Variants in DNAJC18 observed in about 807,000 individuals in gnomAD.
DNAJC18 encodes the protein DnaJ heat shock protein family (Hsp40) member C18.
A neutral mutation model predicts 48.6 loss-of-function variants in DNAJC18; 40 were observed. That is an observed-to-expected ratio of 0.82 (90% CI 0.64 to 1.07). DNAJC18 has a LOEUF of 1.07. DNAJC18 is among the 50% of genes least tolerant of loss of function. The probability of loss-of-function intolerance (pLI) is 0.00; values close to 1 mark genes in which losing one functional copy is unlikely to be tolerated. For missense variants in DNAJC18, 340 were observed against 427.7 expected, an observed-to-expected ratio of 0.79 and a Z score of 1.81; for synonymous variants, 135 against 152.2, an observed-to-expected ratio of 0.89 and a Z score of 0.83.
Position 139,421,139 on chromosome 5 carries a change from C to A in DNAJC18, c.780-914G>T, listed in dbSNP as rs542201475. Among the ~76,000 whole-genome samples the A allele has an allele frequency of 2.7e-4, 41 of 152,248 alleles. No individual in the cohort carries two copies. In the South Asian group the frequency reaches 6.6e-3, roughly 25 times the overall value. The stretch of plus-strand genomic sequence containing the variant: ...AAGCTGGGAAACAGAGGGAATCAGG[C>A]CAGTGTGGCCTGATGGCAAAAACCT... On this transcript the variant is annotated intron_variant, in intron 6 of 7. Coordinates refer to ENST00000302060, the MANE Select transcript of DNAJC18 (RefSeq NM_152686.4).
At chr5:139,437,292 T>C (rs1750684887) in intron 2 of DNAJC18, 80 bp downstream of exon 2, 2 of 1,462,664 alleles carry the variant, frequency 1.4e-6, no homozygotes, top group East Asian at 4.8e-5. Flanking sequence ...TTATCATCAG[T>C]CAATACTTAC....
At chr5:139,422,662 CA>C in intron 6 of DNAJC18, 45 bp downstream of exon 6, 2 of 1,397,098 alleles carry the variant, frequency 1.4e-6, no homozygotes, top group Non-Finnish European at 2.0e-6. Context: ...TCAAGTCTTT[CA>C]CCCCCAGACT....
intron 2 of DNAJC18, among the ~76,000 whole-genome samples, chr5:139,432,091 C>A (rs147420424): frequency 6.6e-6 from 1 of 151,772 alleles, no homozygotes; most frequent in Admixed American, 6.6e-5. Context: ...GAACTTTGTA[C>A]GTTCCAGATA....
At chr5:139,414,570 A>G (rs1231000429) in intron 7 of DNAJC18, among the ~76,000 whole-genome samples, 1 of 152,272 alleles carries the variant, frequency 6.6e-6, no homozygotes, top group African/African-American at 2.4e-5. Flanking sequence ...GCGCATGTGC[A>G]GTGAGACCAC....
chr5:139,420,407 G>T, intron 6 of DNAJC18, 182 bp from the exon 7 acceptor site: 1 of 589,544 alleles, frequency 1.7e-6, no homozygotes. Flanking sequence ...CATCATAATT[G>T]TATTATGTAA....
intron 2 of DNAJC18, among the ~76,000 whole-genome samples, chr5:139,430,807 G>A (rs1194495542): frequency 4.6e-5 from 7 of 152,092 alleles, no homozygotes; most frequent in Admixed American, 4.6e-4. Flanking sequence ...TTGACCTCAA[G>A]TGATCCACCT....
Position 139,433,157 on chromosome 5 carries a change from T to G in DNAJC18, c.227+4215A>C, listed in dbSNP as rs551334166. Among the ~76,000 whole-genome samples, 3 of 152,350 alleles carry G rather than the reference T, an allele frequency of 2.0e-5. No homozygotes were observed. In the East Asian group the frequency reaches 5.8e-4, roughly 29 times the overall value. On this transcript the variant is annotated intron_variant, in intron 2 of 7. Transcript: ENST00000302060. ...CCATATAAAAGCTTCATTTTCAATA[T>G]GAGATGAAAAGGTATTTTGCAAAAA...
rs187827719 is a variant in DNAJC18 at position 139,432,571 on chromosome 5, A to G, written c.228-3888T>C. Among the ~76,000 whole-genome samples, 550 of 152,248 alleles carry G rather than the reference A, an allele frequency of 3.6e-3. 2 individuals carry two copies. The highest frequency in any genetic ancestry group is 5.4e-3 in the Non-Finnish European group (365 of 68,010). ...AGCCTCCAACTCCTGGGCTCAAGTA[A>G]TTCTCCTGCCTCAGCCTCCCAAGTA... On this transcript the variant is annotated intron_variant, in intron 2 of 7. Transcript: ENST00000302060.
rs1759031818 is a variant in DNAJC18, at chr5:139,413,927, C to T, written c.*221G>A. Reference sequence around the variant, plus strand: ...ATCCAATGCCTTGCCATTAATTTAACTTAGATGAACTACTCCTGGTCCCTG... The same window carrying T: ...ATCCAATGCCTTGCCATTAATTTAATTTAGATGAACTACTCCTGGTCCCTG... On this transcript the variant is annotated 3_prime_UTR_variant, in exon 8 of 8. Coordinates refer to ENST00000302060, the MANE Select transcript of DNAJC18 (RefSeq NM_152686.4). 1.8e-6 allele frequency: 1 copy of T among 552,060 alleles called. No individual in the cohort carries two copies. 34.2% of individuals were successfully genotyped at this position (552,060 alleles called of 1,614,324 possible). A position where few individuals can be genotyped will look rare whatever the true frequency, so the allele number is the denominator to read the frequency against.
At position 139,414,137 on chromosome 5, in the gene DNAJC18, C is replaced by T. The variant is rs1332160720; in HGVS notation, c.*11G>A. 1 of 1,611,718 alleles carries T rather than the reference C, an allele frequency of 6.2e-7. No individual in the cohort carries two copies. Among genetic ancestry groups the T allele is most frequent in the Non-Finnish European group, 8.5e-7 (1 of 1,179,412 alleles). ...AGCAAAACCCCAGCCCTGCGTAGGA[C>T]CATTATCCTCTCAGCCACCTCTGCG... On this transcript the variant is annotated 3_prime_UTR_variant, in exon 8 of 8. Transcript: ENST00000302060.
chr5:139,422,340 C>T (rs1426843048), intron 6 of DNAJC18, among the ~76,000 whole-genome samples: 1 of 152,186 alleles, frequency 6.6e-6, no homozygotes, highest in Non-Finnish European at 1.5e-5. Flanking sequence ...ATACTATGCT[C>T]CGAGACCCAC....
At chr5:139,414,918 G>C (rs749101532) in intron 7 of DNAJC18, among the ~76,000 whole-genome samples, 19 of 152,228 alleles carry the variant, frequency 1.2e-4, no homozygotes, top group Admixed American at 5.2e-4. Context: ...GGTGGAGAAG[G>C]TCATTCTATT....
At chr5:139,418,019 G>A (rs569923116) in intron 7 of DNAJC18, among the ~76,000 whole-genome samples, 1 of 152,308 alleles carries the variant, frequency 6.6e-6, no homozygotes, top group South Asian at 2.1e-4. Flanking sequence ...CTGCCACAGA[G>A]GAAGATGTGG....
At chr5:139,437,625 T>G in intron 1 of DNAJC18, 67 bp from the exon 2 acceptor site, 1 of 1,538,504 alleles carries the variant, frequency 6.5e-7, no homozygotes, top group Non-Finnish European at 8.7e-7. Context: ...AACCTGCCTT[T>G]CCTCTCTGGG....
At position 139,420,197 on chromosome 5, in the gene DNAJC18, T is replaced by C; in HGVS notation, c.808A>G (p.Thr270Ala). 3 of 1,610,918 alleles carry C rather than the reference T, an allele frequency of 1.9e-6. No individual in the cohort carries two copies. Among genetic ancestry groups the C allele is most frequent in the Non-Finnish European group, 2.5e-6 (3 of 1,179,178 alleles). Reference protein sequence around the residue: ...STLGYTISRETQNLQVPYFVD... With the variant: ...STLGYTISREAQNLQVPYFVD... ...AAGTAAGGCACCTGCAGGTTCTGAGTTTCTCTAGAAATGGTGTAGCCCAAG... is the reference window on the plus strand; with the variant it reads ...AAGTAAGGCACCTGCAGGTTCTGAGCTTCTCTAGAAATGGTGTAGCCCAAG... The change falls in exon 7 of 8, where the codon ACT becomes GCT. Residue 270 changes from threonine to alanine, a missense_variant. Thr to Ala is a moderately conservative substitution (Grantham distance 58). Transcript: ENST00000302060.
Position 139,422,708 on chromosome 5 carries a change from G to A in DNAJC18, c.779C>T (p.Ser260Leu). 1.3e-6 allele frequency: 2 copies of A among 1,590,282 alleles called. No homozygotes were observed. The highest frequency in any genetic ancestry group is 1.1e-5 in the South Asian group (1 of 87,428). ...TNPPYSLFYK[S>L]TLGYTISRET... ...AAAGATTTAGAAATACCAGACTTACGATTTATAGAACAGACTATATGGGGG... is the reference window on the plus strand; with the variant it reads ...AAAGATTTAGAAATACCAGACTTACAATTTATAGAACAGACTATATGGGGG... The change falls in exon 6 of 8, where the codon TCG (serine) becomes TTG (leucine). Residue 260 changes from serine (S) to leucine (L), a missense_variant and splice_region_variant. Physicochemically the swap from Ser to Leu is moderately radical, Grantham distance 145. Transcript: ENST00000302060.
chr5:139,436,911 C>T (rs1750678301), intron 2 of DNAJC18, among the ~76,000 whole-genome samples: 1 of 152,142 alleles, frequency 6.6e-6, no homozygotes, highest in Non-Finnish European at 1.5e-5. Context: ...TATTCTGTGA[C>T]TTGCTTGCTT....
At chr5:139,430,972 A>G (rs1377878653) in intron 2 of DNAJC18, among the ~76,000 whole-genome samples, 1 of 152,282 alleles carries the variant, frequency 6.6e-6, no homozygotes, top group Non-Finnish European at 1.5e-5. Flanking sequence ...GTCTTTTGCT[A>G]CTATATAATT....
intron 6 of DNAJC18, 125 bp from the exon 7 acceptor site, chr5:139,420,350 T>C: frequency 1.1e-6 from 1 of 934,518 alleles, no homozygotes; most frequent in East Asian, 2.9e-5. Flanking sequence ...CATTTTCTAA[T>C]ATACCCAACA....
Sources: gnomAD v4.1 joint callset for allele counts (sites outside exome capture counted in the v4.1 genomes callset) on GRCh38, gnomAD v4.1.1 for gene constraint, MANE v1.5 for transcripts, NCBI Gene and HGNC (gene_info 2026-07-23, HGNC 2026-07-21) for gene names.